Variants in BABAM2 observed in about 807,000 individuals in gnomAD.
BABAM2 encodes the protein BRISC and BRCA1-A complex member 2.
A neutral mutation model predicts 54.7 loss-of-function variants in BABAM2; 31 were observed. That is an observed-to-expected ratio of 0.57 (90% CI 0.43 to 0.77). The LOEUF is 0.77. Ranked by LOEUF, BABAM2 falls within the 30% of genes least tolerant of loss-of-function variation. The pLI is 0.00. For missense variants in BABAM2, 364 were observed against 455.8 expected (o/e 0.80, Z 1.83); for synonymous variants, 167 against 162.9 (o/e 1.03, Z -0.19).
intron 7 of BABAM2, among the ~76,000 whole-genome samples, chr2:28,183,739 T>TCACACACACACACACACACACACACA (rs1286120518): frequency 8.3e-5 from 11 of 133,124 alleles, no homozygotes; most frequent in African/African-American, 2.7e-4. Flanking sequence ...TGGATGAAGA[T>TCACACACACACACACACACACACACA]CACACACACA....
At chr2:27,972,080 C>T (rs554452749) in intron 3 of BABAM2, among the ~76,000 whole-genome samples, 1 of 152,062 alleles carries the variant, frequency 6.6e-6, no homozygotes, top group East Asian at 1.9e-4. Flanking sequence ...TGGACAATAC[C>T]CCTTTCTGAA....
At chr2:27,950,338 G>A (rs539528764) in intron 3 of BABAM2, among the ~76,000 whole-genome samples, 1 of 152,126 alleles carries the variant, frequency 6.6e-6, no homozygotes, top group Non-Finnish European at 1.5e-5. Context: ...ATGTAGAAAT[G>A]ACTACCACAG....
chr2:28,298,378 C>T lies in BABAM2; in HGVS notation c.975C>T (p.Leu325=). ...PLFFPRDQPT[L]TFQSVYHFTN... is the part of the protein sequence containing the mutation. ...TTTTCCCTCGAGACCAGCCAACTCT[C>T]ACATTTCAGTCCGTTTATCACTTTA... Residue 325 remains leucine, a synonymous_variant, in exon 11 of 12, where the codon CTC becomes CTT. Transcript: ENST00000379624. The T allele has an allele frequency of 6.2e-7, 1 of 1,614,176 alleles. No individual in the cohort carries two copies. The highest frequency in any genetic ancestry group is 8.5e-7 in the Non-Finnish European group (1 of 1,180,016).
At chr2:28,317,736 A>C (rs138289237) in intron 11 of BABAM2, among the ~76,000 whole-genome samples, 1 of 152,340 alleles carries the variant, frequency 6.6e-6, no homozygotes, top group Non-Finnish European at 1.5e-5. Context: ...CTAGCTGCTG[A>C]CTGGAAAACA....
intron 3 of BABAM2, among the ~76,000 whole-genome samples, chr2:27,950,846 T>A (rs750719686): frequency 6.6e-6 from 1 of 152,198 alleles, no homozygotes; most frequent in Non-Finnish European, 1.5e-5. Context: ...CTATTCAGAT[T>A]ATCTACTTCA....
chr2:28,321,796 T>C (rs750033043), intron 11 of BABAM2, among the ~76,000 whole-genome samples: 2 of 152,084 alleles, frequency 1.3e-5, no homozygotes, highest in Non-Finnish European at 2.9e-5. Context: ...AAGGATTTCA[T>C]TTGCCCCTCT....
At chr2:28,114,233 CCT>C (rs1247640337) in intron 6 of BABAM2, among the ~76,000 whole-genome samples, 8 of 152,160 alleles carry the variant, frequency 5.3e-5, no homozygotes, top group Non-Finnish European at 1.5e-5. Context: ...AGTCAAATTA[CCT>C]CTGTTTGCAG....
chr2:28,143,673 T>C (rs936137930), intron 7 of BABAM2, among the ~76,000 whole-genome samples: 12 of 152,192 alleles, frequency 7.9e-5, no homozygotes, highest in African/African-American at 2.9e-4. Context: ...TAACTATTTC[T>C]ATAGGAAAAT....
At chr2:27,986,707 A>T (rs539540828) in intron 3 of BABAM2, among the ~76,000 whole-genome samples, 1 of 152,172 alleles carries the variant, frequency 6.6e-6, no homozygotes, top group Non-Finnish European at 1.5e-5. Context: ...TGAAGTTTAA[A>T]TGTTTACATT....
At chr2:27,965,262 T>C (rs1670754729) in intron 3 of BABAM2, among the ~76,000 whole-genome samples, 1 of 152,344 alleles carries the variant, frequency 6.6e-6, no homozygotes, top group African/African-American at 2.4e-5. Context: ...GTAAATTATA[T>C]TGGTTTACCG....
At chr2:28,076,509 T>G (rs185715320) in intron 6 of BABAM2, among the ~76,000 whole-genome samples, 1 of 124,940 alleles carries the variant, frequency 8.0e-6, no homozygotes, top group African/African-American at 2.8e-5. Flanking sequence ...TAGTTAGTTA[T>G]TTTTGAGACA....
chr2:27,983,942 C>CTTTTTTTTTTTGTTTT (rs1672199989), intron 3 of BABAM2, among the ~76,000 whole-genome samples: 1 of 31,138 alleles, frequency 3.2e-5, no homozygotes, highest in Non-Finnish European at 6.5e-5. Flanking sequence ...CATTTTGTAC[C>CTTTTTTTTTTTGTTTT]TTTTTTTTTT....
intron 6 of BABAM2, among the ~76,000 whole-genome samples, chr2:28,096,760 CCTT>C (rs1321241538): frequency 4.6e-5 from 7 of 151,604 alleles, no homozygotes; most frequent in Non-Finnish European, 7.4e-5. Context: ...CTCCCTCACT[CCTT>C]CATTTTCTCT....
chr2:28,136,280 G>T (rs1670531301), intron 7 of BABAM2, among the ~76,000 whole-genome samples: 1 of 152,176 alleles, frequency 6.6e-6, no homozygotes, highest in Admixed American at 6.5e-5. Flanking sequence ...GACCGCCACT[G>T]CCTGCCTCCA....
chr2:28,276,171 C>T (rs1279757668), intron 10 of BABAM2, among the ~76,000 whole-genome samples: 31 of 152,072 alleles, frequency 2.0e-4, no homozygotes. Flanking sequence ...GTAATTTGTA[C>T]TGTTTAGAAA....
intron 8 of BABAM2, among the ~76,000 whole-genome samples, chr2:28,240,202 C>A (rs1193879963): frequency 6.6e-6 from 1 of 151,618 alleles, no homozygotes; most frequent in African/African-American, 2.4e-5. Flanking sequence ...CTCAATGCAG[C>A]CTTGAACTCC....
rs1156820026 is a variant in BABAM2, at chr2:28,140,095, C to T, written c.680+10715C>T. ...CAATGCTTTTCCTGCATCTCTCAGG[C>T]ATATTTCTTTTTTTTCTACCTATAT... On this transcript the variant is annotated intron_variant, in intron 7 of 11. Coordinates refer to ENST00000379624, the MANE Select transcript of BABAM2 (RefSeq NM_199191.3). Among the ~76,000 whole-genome samples the T allele has an allele frequency of 1.1e-4, 16 of 152,174 alleles. No homozygotes were observed. The East Asian group carries it at 2.1e-3, about 20-fold the overall frequency.
At chr2:28,221,464 G>C (rs1028060501) in intron 7 of BABAM2, among the ~76,000 whole-genome samples, 3 of 152,098 alleles carry the variant, frequency 2.0e-5, no homozygotes, top group African/African-American at 4.8e-5. Flanking sequence ...TGTTGTTGTT[G>C]TTGCTTTAAT....
intron 3 of BABAM2, among the ~76,000 whole-genome samples, chr2:27,932,071 T>A (rs1485489051): frequency 6.6e-6 from 1 of 152,184 alleles, no homozygotes; most frequent in Non-Finnish European, 1.5e-5. Flanking sequence ...TTTTGTAGAA[T>A]CTATGTATCG....
Sources: allele counts gnomAD v4.1 joint callset (sites outside exome capture counted in the v4.1 genomes callset), GRCh38; gene constraint gnomAD v4.1.1; transcripts MANE v1.5; gene names NCBI Gene and HGNC (gene_info 2026-07-23, HGNC 2026-07-21).